The following VAV3 variants were observed in gnomAD, a reference collection of about 807,000 sequenced individuals.
VAV3 encodes guanine nucleotide exchange factor VAV3.
VAV3 carries 94 observed loss-of-function variants against 131.2 expected under a neutral mutation model. That is an observed-to-expected ratio of 0.72 (90% CI 0.61 to 0.85). VAV3 has a LOEUF of 0.85. Among genes scored for constraint, VAV3 ranks in the 40% least tolerant of loss-of-function variants. The pLI, the probability that VAV3 is intolerant of heterozygous loss-of-function variation, is 0.00. For synonymous variants in VAV3, 349 were observed against 342.0 expected, an observed-to-expected ratio of 1.02 and a Z score of -0.22; for missense variants, 939 against 1,002.7, an observed-to-expected ratio of 0.94 and a Z score of 0.86.
intron 2 of VAV3, among the ~76,000 whole-genome samples, chr1:107,871,712 C>T (rs1670262262): frequency 6.6e-6 from 1 of 152,176 alleles, no homozygotes; most frequent in Non-Finnish European, 1.5e-5. Flanking sequence ...TGTGTTAACA[C>T]TGTTTCCAGG....
intron 20 of VAV3, among the ~76,000 whole-genome samples, chr1:107,634,720 T>C (rs1252292818): frequency 1.3e-5 from 2 of 149,240 alleles, no homozygotes; most frequent in Non-Finnish European, 3.0e-5. Context: ...TGCAATCTAC[T>C]CATCTGACAA....
intron 25 of VAV3, among the ~76,000 whole-genome samples, chr1:107,581,703 G>C (rs532230379): frequency 6.6e-6 from 1 of 152,276 alleles, no homozygotes; most frequent in Non-Finnish European, 1.5e-5. Context: ...CTAGTGACTG[G>C]ATATTTGATG....
chr1:107,618,847 G>A (rs1281756384), intron 20 of VAV3, among the ~76,000 whole-genome samples: 1 of 152,152 alleles, frequency 6.6e-6, no homozygotes, highest in Non-Finnish European at 1.5e-5. Flanking sequence ...AAAGTAGTTA[G>A]GAAACAATTT....
chr1:107,584,992 A>C (rs1650369281), intron 25 of VAV3, among the ~76,000 whole-genome samples: 1 of 152,240 alleles, frequency 6.6e-6, no homozygotes, highest in African/African-American at 2.4e-5. Context: ...AGCCTCTGAC[A>C]TCACAGGAGC....
intron 15 of VAV3, among the ~76,000 whole-genome samples, chr1:107,730,424 T>C (rs1182248467): frequency 1.3e-5 from 2 of 152,188 alleles, no homozygotes; most frequent in African/African-American, 4.8e-5. Context: ...ACTTAAACTC[T>C]GAGACTAAAA....
Position 107,768,439 on chromosome 1 carries a change from A to T in VAV3, c.717+2T>A. Reference sequence around the variant, plus strand: ...AATTTTAGCTAGCATATTTTTACTCACAGGAATGTTGATGAATACTGAATC... The same window carrying T: ...AATTTTAGCTAGCATATTTTTACTCTCAGGAATGTTGATGAATACTGAATC... On this transcript the variant is annotated splice_donor_variant, in intron 7 of 26. Coordinates refer to ENST00000370056, the MANE Select transcript of VAV3 (RefSeq NM_006113.5). LOFTEE classifies it high-confidence loss of function. 6.2e-7 allele frequency: 1 copy of T among 1,609,850 alleles called. No individual in the cohort carries two copies. Among genetic ancestry groups the T allele is most frequent in the African/African-American group, 1.3e-5 (1 of 74,970 alleles).
intron 15 of VAV3, among the ~76,000 whole-genome samples, chr1:107,742,300 A>C (rs969000989): frequency 6.6e-6 from 1 of 152,176 alleles, no homozygotes. Flanking sequence ...ATTTACAACA[A>C]AAATATGATA....
chr1:107,639,172 C>A (rs1415031086), intron 20 of VAV3, among the ~76,000 whole-genome samples: 2 of 150,848 alleles, frequency 1.3e-5, no homozygotes, highest in Non-Finnish European at 3.0e-5. Context: ...CAAAAAAAAA[C>A]CTCAAAATGA....
chr1:107,623,005 T>C (rs887645756), intron 20 of VAV3, among the ~76,000 whole-genome samples: 3 of 152,156 alleles, frequency 2.0e-5, no homozygotes, highest in African/African-American at 7.2e-5. Flanking sequence ...AAAGAGGAAG[T>C]GATCAGGAAA....
chr1:107,888,553 G>A (rs900668652), intron 1 of VAV3, among the ~76,000 whole-genome samples: 2 of 152,154 alleles, frequency 1.3e-5, no homozygotes, highest in East Asian at 1.9e-4. Context: ...CCACCTCCCA[G>A]GTTCATGCGA....
At chr1:107,913,721 C>T (rs1672478635) in intron 1 of VAV3, among the ~76,000 whole-genome samples, 1 of 152,202 alleles carries the variant, frequency 6.6e-6, no homozygotes. Flanking sequence ...CAGGAATCAT[C>T]AACCTTGGCA....
chr1:107,632,645 C>T (rs889404297), intron 20 of VAV3, among the ~76,000 whole-genome samples: 3 of 152,176 alleles, frequency 2.0e-5, no homozygotes, highest in African/African-American at 7.2e-5. Context: ...AAACATATTA[C>T]TGGCTGCTGG....
intron 4 of VAV3, among the ~76,000 whole-genome samples, chr1:107,773,350 T>C (rs1288270023): frequency 1.3e-5 from 2 of 152,192 alleles, no homozygotes; most frequent in African/African-American, 4.8e-5. Flanking sequence ...TTAATGGGTA[T>C]AATATGGAGA....
intron 19 of VAV3, among the ~76,000 whole-genome samples, chr1:107,649,175 T>C (rs1655965728): frequency 1.3e-5 from 2 of 152,110 alleles, no homozygotes; most frequent in African/African-American, 4.8e-5. Flanking sequence ...CAGGGAGTTC[T>C]TTCTACATAA....
At chr1:107,822,936 C>A (rs1196843260) in intron 2 of VAV3, among the ~76,000 whole-genome samples, 1 of 151,660 alleles carries the variant, frequency 6.6e-6, no homozygotes, top group Non-Finnish European at 1.5e-5. Context: ...AAGGAAGAGA[C>A]AAAAGACAAG....
chr1:107,863,570 C>T (rs1445718902), intron 2 of VAV3, among the ~76,000 whole-genome samples: 1 of 152,208 alleles, frequency 6.6e-6, no homozygotes, highest in Non-Finnish European at 1.5e-5. Context: ...GCCCCTGTTG[C>T]ATCTTACACT....
At chr1:107,626,811 T>C (rs1654054296) in intron 20 of VAV3, among the ~76,000 whole-genome samples, 1 of 152,210 alleles carries the variant, frequency 6.6e-6, no homozygotes, top group African/African-American at 2.4e-5. Flanking sequence ...AATGAGTCTT[T>C]TGGTGTCCGG....
intron 2 of VAV3, among the ~76,000 whole-genome samples, chr1:107,806,625 T>C (rs1424119366): frequency 6.6e-6 from 1 of 152,152 alleles, no homozygotes; most frequent in African/African-American, 2.4e-5. Flanking sequence ...AAATCCTCTA[T>C]AATAAAGCAC....
intron 2 of VAV3, among the ~76,000 whole-genome samples, chr1:107,853,330 T>A (rs998609587): frequency 2.6e-5 from 4 of 152,202 alleles, no homozygotes; most frequent in African/African-American, 9.6e-5. Context: ...CAATCATCTA[T>A]GCTGCAACAT....
Sources: allele counts gnomAD v4.1 joint callset (sites outside exome capture counted in the v4.1 genomes callset), GRCh38; gene constraint gnomAD v4.1.1; transcripts MANE v1.5; gene names NCBI Gene and HGNC (gene_info 2026-07-23, HGNC 2026-07-21).